Variants in EYS observed in about 807,000 individuals in gnomAD.
EYS encodes protein eyes shut homolog.
A neutral mutation model predicts 282.1 loss-of-function variants in EYS; 250 were observed. That is an observed-to-expected ratio of 0.89 (90% CI 0.80 to 0.98). EYS has a LOEUF of 0.98. Among genes scored for constraint, EYS ranks in the 50% least tolerant of loss-of-function variants. The probability of loss-of-function intolerance (pLI) is 0.00; values close to 1 mark genes in which losing one functional copy is unlikely to be tolerated. For synonymous variants in EYS, 1,355 were observed against 1,282.9 expected (o/e 1.06, Z -1.20); for missense variants, 4,016 against 3,709.0 (o/e 1.08, Z -2.15).
At chr6:64,836,188 G>GA (rs5876927) in intron 19 of EYS, among the ~76,000 whole-genome samples, 106,840 of 150,510 alleles carry the variant, frequency 0.71, 38,247 homozygotes, top group Admixed American at 0.76. Context: ...AACATGTCAT[G>GA]TTTTTTTTCA....
chr6:64,751,671 T>C (rs913002293), intron 22 of EYS, among the ~76,000 whole-genome samples: 15 of 152,238 alleles, frequency 9.9e-5, no homozygotes, highest in African/African-American at 2.9e-4. Context: ...TGTTGGCTCC[T>C]ATCTGTAAAC....
intron 29 of EYS, among the ~76,000 whole-genome samples, chr6:64,318,619 C>A (rs1484356032): frequency 6.6e-6 from 1 of 151,854 alleles, no homozygotes. Flanking sequence ...TGAAGAATAT[C>A]TAAATTATTG....
At chr6:64,399,137 T>C (rs997542635) in intron 28 of EYS, among the ~76,000 whole-genome samples, 1 of 151,846 alleles carries the variant, frequency 6.6e-6, no homozygotes, top group African/African-American at 2.4e-5. Context: ...ACTCATTTCT[T>C]ATAAATGAAA....
chr6:63,910,619 T>G (rs1403446855), intron 35 of EYS, among the ~76,000 whole-genome samples: 2 of 152,204 alleles, frequency 1.3e-5, no homozygotes, highest in Non-Finnish European at 2.9e-5. Context: ...TGTTACTAAT[T>G]GTACTTACCA....
chr6:65,420,137 C>T (rs1001388198), intron 5 of EYS, among the ~76,000 whole-genome samples: 1 of 151,914 alleles, frequency 6.6e-6, no homozygotes, highest in Non-Finnish European at 1.5e-5. Flanking sequence ...AGACAACAAG[C>T]TTTCATTTCA....
At chr6:64,679,133 C>CTTG in intron 22 of EYS, among the ~76,000 whole-genome samples, 2 of 152,092 alleles carry the variant, frequency 1.3e-5, no homozygotes, top group Non-Finnish European at 2.9e-5. Flanking sequence ...AGTCTCTACC[C>CTTG]CAACTTCACA....
intron 2 of EYS, among the ~76,000 whole-genome samples, chr6:65,592,878 T>G (rs2127369125): frequency 6.6e-6 from 1 of 152,108 alleles, no homozygotes; most frequent in Non-Finnish European, 1.5e-5. Context: ...TAACATTGGC[T>G]TTATTCTTTT....
At chr6:65,032,891 A>G (rs117596317) in intron 13 of EYS, among the ~76,000 whole-genome samples, 2 of 151,674 alleles carry the variant, frequency 1.3e-5, no homozygotes, top group East Asian at 3.9e-4. Flanking sequence ...AATTTCTTAG[A>G]GATTGGTTAA....
At chr6:63,857,731 T>G (rs1772431650) in intron 36 of EYS, 2 of 373,742 alleles carry the variant, frequency 5.4e-6, no homozygotes, top group African/African-American at 4.1e-5. Flanking sequence ...AATGCTTTGA[T>G]GAGCATCTGA....
chr6:64,465,646 T>C (rs1775892511), intron 26 of EYS, among the ~76,000 whole-genome samples: 1 of 151,842 alleles, frequency 6.6e-6, no homozygotes, highest in Non-Finnish European at 1.5e-5. Flanking sequence ...TAAAATTAGT[T>C]GAAGAAAACA....
chr6:65,013,556 C>T (rs1583397876), intron 13 of EYS, among the ~76,000 whole-genome samples: 1 of 152,168 alleles, frequency 6.6e-6, no homozygotes, highest in Non-Finnish European at 1.5e-5. Flanking sequence ...CACTAGTGTA[C>T]ATACCCCATG....
At chr6:63,875,081 C>T (rs566693447) in intron 35 of EYS, among the ~76,000 whole-genome samples, 90 of 152,208 alleles carry the variant, frequency 5.9e-4, no homozygotes, top group Non-Finnish European at 1.1e-3. Flanking sequence ...CAGTTTTTGC[C>T]CATTCAGTAT....
chr6:64,432,590 A>T (rs1774607730), intron 28 of EYS, among the ~76,000 whole-genome samples: 1 of 151,252 alleles, frequency 6.6e-6, no homozygotes, highest in Non-Finnish European at 1.5e-5. Context: ...TATAAGTAGT[A>T]TATAGTATAT....
chr6:65,187,986 T>A (rs940389503), intron 12 of EYS, among the ~76,000 whole-genome samples: 1 of 151,706 alleles, frequency 6.6e-6, no homozygotes, highest in Non-Finnish European at 1.5e-5. Context: ...TAGAGTAGCA[T>A]TCCTTCGTAA....
chr6:64,848,013 T>C (rs1303899963), intron 19 of EYS, among the ~76,000 whole-genome samples: 1 of 152,044 alleles, frequency 6.6e-6, no homozygotes, highest in Non-Finnish European at 1.5e-5. Flanking sequence ...CCTAATACAG[T>C]AGTATAGATA....
At chr6:65,347,124 G>A (rs187575930) in intron 9 of EYS, among the ~76,000 whole-genome samples, 1 of 151,902 alleles carries the variant, frequency 6.6e-6, no homozygotes, top group East Asian at 1.9e-4. Context: ...AGATATTATA[G>A]TGATTTTACA....
At chr6:65,560,011 GTATTTCAGTT>G (rs1768976695) in intron 2 of EYS, among the ~76,000 whole-genome samples, 1 of 150,104 alleles carries the variant, frequency 6.7e-6, no homozygotes, top group South Asian at 2.1e-4. Context: ...ATTAAAGAAT[GTATTTCAGTT>G]TTAGTTTATG....
At chr6:65,470,444 T>C (rs1292250273) in intron 5 of EYS, among the ~76,000 whole-genome samples, 1 of 152,126 alleles carries the variant, frequency 6.6e-6, no homozygotes, top group African/African-American at 2.4e-5. Flanking sequence ...TATATTAGAT[T>C]GGTTTTAAAA....
intron 26 of EYS, among the ~76,000 whole-genome samples, chr6:64,572,168 C>CA (rs1765747557): frequency 6.6e-6 from 1 of 152,118 alleles, no homozygotes; most frequent in African/African-American, 2.4e-5. Context: ...GAACCAATAA[C>CA]AAAAACTGCA....
Sources: allele counts gnomAD v4.1 joint callset (sites outside exome capture counted in the v4.1 genomes callset), GRCh38; gene constraint gnomAD v4.1.1; transcripts MANE v1.5; gene names NCBI Gene and HGNC (gene_info 2026-07-23, HGNC 2026-07-21).